HSPG2: variants seen among roughly 807,000 people sequenced by gnomAD.
The protein encoded by HSPG2 is basement membrane-specific heparan sulfate proteoglycan core protein.
HSPG2 carries 278 observed loss-of-function variants against 526.6 expected under a neutral mutation model. The ratio of observed to expected loss-of-function variants is 0.53; its 90% CI spans 0.48 to 0.58. HSPG2 has a LOEUF of 0.58. HSPG2 is among the 20% of genes least tolerant of loss of function. The pLI, the probability that HSPG2 is intolerant of heterozygous loss-of-function variation, is 0.00. For synonymous variants in HSPG2, 2,465 were observed against 2,555.4 expected, an observed-to-expected ratio of 0.96 and a Z score of 1.07; for missense variants, 5,354 against 6,099.5, an observed-to-expected ratio of 0.88 and a Z score of 4.07.
chr1:21,882,400 TACACACACACACACACAC>T (rs56357321), intron 13 of HSPG2, among the ~76,000 whole-genome samples: 3 of 142,692 alleles, frequency 2.1e-5, no homozygotes, highest in East Asian at 2.1e-4. Context: ...CTCTTCTATG[TACACACACACACACACAC>T]ACACACACAC....
Position 21,864,282 on chromosome 1 carries a change from C to T in HSPG2, c.4627-69G>A. 1 of 1,287,616 alleles carries T rather than the reference C, an allele frequency of 7.8e-7. No homozygotes were observed. Among genetic ancestry groups the T allele is most frequent in the Non-Finnish European group, 1.1e-6 (1 of 907,924 alleles). 79.8% of individuals were successfully genotyped at this position (1,287,616 alleles called of 1,614,324 possible). On this transcript the variant is annotated intron_variant, in intron 36 of 96. Transcript: ENST00000374695. This position sits in a 1 kb window ranked among gnomAD's most constrained non-coding sequence, Gnocchi z 4.8. ...CACCCACAGCCAGCAGACCCAGAAC[C>T]CCTCCCTCCAGTGTCCTCCCAGGGG...
Position 21,880,172 on chromosome 1 carries a change from T to C in HSPG2, c.2278A>G (p.Thr760Ala). Residue 760 changes from threonine (T) to alanine (A), a missense_variant, in exon 17 of 97, where the codon ACC becomes GCC. Transcript: ENST00000374695. ...TRVPGGPYLGTCSGCNCNGHA... is the reference protein window; with the variant it reads ...TRVPGGPYLGACSGCNCNGHA... ...CCATTGCAATTGCAACCAGAGCAGG[T>C]GCCCAGGTAGGGCCCACCAGGCACC... The C allele has an allele frequency of 6.2e-7, 1 of 1,614,092 alleles. No individual in the cohort carries two copies. Among genetic ancestry groups the C allele is most frequent in the Non-Finnish European group, 8.5e-7 (1 of 1,180,012 alleles).
Position 21,841,205 on chromosome 1 carries a change from C to T in HSPG2, c.9409G>A (p.Ala3137Thr), listed in dbSNP as rs1557695542. ...GKAVTLECVSAGEPRSSARWT... is the reference protein window; with the variant it reads ...GKAVTLECVSTGEPRSSARWT... ...CGAGCAGAGGAGCGGGGCTCCCCGG[C>T]ACTGACACACTCCAGGGTGACAGCC... The change falls in exon 71 of 97, where the codon GCC becomes ACC. Residue 3137 changes from alanine (A) to threonine (T), a missense_variant. By Grantham distance (58) the Ala-to-Thr change is moderately conservative. Transcript: ENST00000374695. 2 of 1,613,756 alleles carry T rather than the reference C, an allele frequency of 1.2e-6. No homozygotes were observed. The highest frequency in any genetic ancestry group is 1.7e-6 in the Non-Finnish European group (2 of 1,180,048).
rs1639483207 is a variant in HSPG2 at position 21,858,065 on chromosome 1, C to T, written c.5294-680G>A. Among the ~76,000 whole-genome samples the T allele has an allele frequency of 6.6e-6, 1 of 152,214 alleles. No individual in the cohort carries two copies. The highest frequency in any genetic ancestry group is 1.5e-5 in the Non-Finnish European group (1 of 68,044). ...AAACTCCCCCTTGACCTCATGCTCT[C>T]GCAGTCAATGACCCACTTCCTGGCC... On this transcript the variant is annotated intron_variant, in intron 42 of 96. Transcript: ENST00000374695. This position sits in a 1 kb window ranked among gnomAD's most constrained non-coding sequence, Gnocchi z 4.2.
intron 75 of HSPG2, 65 bp from the exon 76 acceptor site, chr1:21,835,702 GGC>G: frequency 7.9e-7 from 1 of 1,271,970 alleles, no homozygotes. Context: ...TTTGCAATTG[GGC>G]TGGGCGTGGT....
chr1:21,881,246 C>T, intron 14 of HSPG2, 93 bp downstream of exon 14: 3 of 1,457,414 alleles, frequency 2.1e-6, no homozygotes, highest in South Asian at 1.1e-5. Flanking sequence ...AACACCTTTC[C>T]CTCCAAGTCT....
chr1:21,857,756 C>T (rs1187826604), intron 42 of HSPG2, among the ~76,000 whole-genome samples: 1 of 152,204 alleles, frequency 6.6e-6, no homozygotes, highest in African/African-American at 2.4e-5. Context: ...TCTCCTCCAG[C>T]CTCTCCAACC....
intron 1 of HSPG2, among the ~76,000 whole-genome samples, chr1:21,925,396 C>T (rs1644160774): frequency 6.6e-6 from 1 of 152,200 alleles, no homozygotes; most frequent in Non-Finnish European, 1.5e-5. Flanking sequence ...CCTTGCATTT[C>T]ACCCAAGCCC....
chr1:21,886,726 G>C (rs1452438512), intron 9 of HSPG2, among the ~76,000 whole-genome samples: 1 of 152,190 alleles, frequency 6.6e-6, no homozygotes, highest in Non-Finnish European at 1.5e-5. Context: ...TGGATAGATG[G>C]ATGAAGGGCT....
rs535946637 is a variant in HSPG2 at position 21,881,477 on chromosome 1, C to T, written c.1680G>A (p.Gln560=). The change falls in exon 14 of 97, where the codon CAG becomes CAA. Residue 560 remains glutamine, a synonymous_variant. Coordinates refer to ENST00000374695, the MANE Select transcript of HSPG2 (RefSeq NM_005529.7). The stretch of plus-strand genomic sequence containing the variant: ...TGGAGGAGAGGGGTGGCGTGCCGGG[C>T]TGCGCAGGCATTGTCACATTCACAC... ...FKGVNVTMPA[Q]PGTPPLSSTQ... The T allele has an allele frequency of 8.6e-5, 139 of 1,612,604 alleles. No individual in the cohort carries two copies. In the Admixed American group the frequency reaches 2.2e-3, roughly 26 times the overall value.
rs1254939272 is a variant in HSPG2, at chr1:21,893,896, G to A, written c.244+2026C>T. ...AAAGAAAAAAAAAAAAGAACAGGCAGAGGGGAGAGAGGGAAAGACAGAGGG... is the reference window on the plus strand; with the variant it reads ...AAAGAAAAAAAAAAAAGAACAGGCAAAGGGGAGAGAGGGAAAGACAGAGGG... On this transcript the variant is annotated intron_variant, in intron 3 of 96. Transcript: ENST00000374695. This position sits in a 1 kb window ranked among gnomAD's most constrained non-coding sequence, Gnocchi z 4.3. 2.0e-5 allele frequency among the ~76,000 whole-genome samples: 3 copies of A among 151,824 alleles called. No individual in the cohort carries two copies.
In HSPG2 at chr1:21,895,829, G is replaced by A; in HGVS notation, c.244+93C>T. The stretch of plus-strand genomic sequence containing the variant: ...CACTTCTTCTTGCTTTGTACCCCAG[G>A]GCAGGCCCAAGGAGCCCTCAGCCCA... On this transcript the variant is annotated intron_variant, in intron 3 of 96. Coordinates refer to ENST00000374695, the MANE Select transcript of HSPG2 (RefSeq NM_005529.7). This position sits in a 1 kb window ranked among gnomAD's most constrained non-coding sequence, Gnocchi z 4.1. 1 of 1,160,862 alleles carries A rather than the reference G, an allele frequency of 8.6e-7. No individual in the cohort carries two copies. The highest frequency in any genetic ancestry group is 1.2e-5 in the South Asian group (1 of 81,070). 71.9% of individuals were successfully genotyped at this position (1,160,862 alleles called of 1,614,324 possible).
In HSPG2 at chr1:21,887,471, G is replaced by C; in HGVS notation, c.907C>G (p.Leu303Val). 1 of 1,614,092 alleles carries C rather than the reference G, an allele frequency of 6.2e-7. No homozygotes were observed. The highest frequency in any genetic ancestry group is 8.5e-7 in the Non-Finnish European group (1 of 1,180,014). Residue 303 changes from leucine (L) to valine (V), a missense_variant, in exon 8 of 97, where the codon CTC (leucine) becomes GTC (valine). Leu to Val is a conservative substitution (Grantham distance 32). Coordinates refer to ENST00000374695, the MANE Select transcript of HSPG2 (RefSeq NM_005529.7). This position sits in a 1 kb window ranked among gnomAD's most constrained non-coding sequence, Gnocchi z 5.0. ...RNGHCIPRDY[L>V]CDGQEDCEDG... is the part of the protein sequence containing the mutation. ...TCGCAGTCCTCCTGTCCGTCGCAGA[G>C]GTAGTCTCTGGGGATGCAGTGCCCA...
intron 47 of HSPG2, 61 bp from the exon 48 acceptor site, chr1:21,855,044 G>A (rs1639227086): frequency 1.3e-6 from 2 of 1,589,574 alleles, no homozygotes; most frequent in Non-Finnish European, 1.7e-6. Context: ...TGGCCAGGGG[G>A]ACAGATAGGG....
At chr1:21,832,142 C>T (rs1432883556) in intron 81 of HSPG2, among the ~76,000 whole-genome samples, 1 of 152,120 alleles carries the variant, frequency 6.6e-6, no homozygotes, top group Non-Finnish European at 1.5e-5. Context: ...TTTATTCTTC[C>T]CCAGTGAGAA....
At position 21,874,446 on chromosome 1, in the gene HSPG2, A is replaced by C. The variant is rs1335310532; in HGVS notation, c.3616T>G (p.Cys1206Gly). The change falls in exon 28 of 97, where the codon TGC becomes GGC. Residue 1206 changes from cysteine (C) to glycine (G), a missense_variant. Physicochemically the swap from Cys to Gly is radical, Grantham distance 159. Coordinates refer to ENST00000374695, the MANE Select transcript of HSPG2 (RefSeq NM_005529.7). Reference sequence around the variant, plus strand: ...TCTCCGTAGCAGGGGCACAGCTGGCAGTCCTGTGGTGTCCCCCGCTGGGCG... The same window carrying C: ...TCTCCGTAGCAGGGGCACAGCTGGCCGTCCTGTGGTGTCCCCCGCTGGGCG... ...GDAQRGTPQD[C>G]QLCPCYGDPA... 6.2e-7 allele frequency: 1 copy of C among 1,612,038 alleles called. No individual in the cohort carries two copies. Among genetic ancestry groups the C allele is most frequent in the Non-Finnish European group, 8.5e-7 (1 of 1,179,908 alleles).
At chr1:21,829,272 G>A in intron 87 of HSPG2, 111 bp downstream of exon 87, 1 of 1,376,828 alleles carries the variant, frequency 7.3e-7, no homozygotes, top group African/African-American at 1.4e-5. Context: ...AGGAAGAGGG[G>A]ACTTGCCCTG....
chr1:21,884,677 G>C lies in HSPG2; in HGVS notation c.1508-3C>G, dbSNP rs1410323686. ...GAAGTGGCCGTCAGGGCAGGGGCCT[G>C]CTGGGCGGCATGGGCGGGGGCTGCA... On this transcript the variant is annotated splice_region_variant and splice_polypyrimidine_tract_variant and intron_variant, in intron 12 of 96. Coordinates refer to ENST00000374695, the MANE Select transcript of HSPG2 (RefSeq NM_005529.7). 6.2e-7 allele frequency: 1 copy of C among 1,611,208 alleles called. No homozygotes were observed. Among genetic ancestry groups the C allele is most frequent in the Non-Finnish European group, 8.5e-7 (1 of 1,178,964 alleles).
At chr1:21,854,481 G>A (rs1048941814) in intron 49 of HSPG2, 130 bp downstream of exon 49, 4 of 1,449,782 alleles carry the variant, frequency 2.8e-6, no homozygotes, top group Admixed American at 4.1e-5. Context: ...GAGGGAGGGA[G>A]ATGAGGCCTG....
Sources: allele counts gnomAD v4.1 joint callset (sites outside exome capture counted in the v4.1 genomes callset), GRCh38; gene constraint gnomAD v4.1.1; non-coding constraint Gnocchi (gnomAD v3.1); transcripts MANE v1.5; gene names NCBI Gene and HGNC (gene_info 2026-07-23, HGNC 2026-07-21).